The following SYT1 variants were observed in gnomAD, a reference collection of about 807,000 sequenced individuals.
SYT1 encodes the protein synaptotagmin-1.
SYT1 carries 8 observed loss-of-function variants against 44.8 expected under a neutral mutation model. The observed-to-expected ratio is 0.18, with a 90% CI of 0.10 to 0.32. The LOEUF is 0.32. Among genes scored for constraint, SYT1 ranks in the 10% least tolerant of loss-of-function variants. The pLI is 1.00. For missense variants in SYT1, 286 were observed against 509.3 expected (o/e 0.56, Z 4.22); for synonymous variants, 154 against 188.8 (o/e 0.82, Z 1.51).
chr12:78,879,839 C>T (rs993566992), intron 1 of SYT1, among the ~76,000 whole-genome samples: 4 of 151,644 alleles, frequency 2.6e-5, no homozygotes, highest in African/African-American at 4.8e-5. Context: ...GCCATATTGG[C>T]CTTTTTTCAG....
At chr12:79,083,823 C>A (rs1481251733) in intron 3 of SYT1, among the ~76,000 whole-genome samples, 1 of 152,044 alleles carries the variant, frequency 6.6e-6, no homozygotes, top group Non-Finnish European at 1.5e-5. Context: ...ATATTTGATT[C>A]TTGGAGAGAG....
intron 2 of SYT1, among the ~76,000 whole-genome samples, chr12:79,041,219 T>G (rs974395293): frequency 3.9e-5 from 6 of 152,246 alleles, no homozygotes; most frequent in African/African-American, 1.4e-4. Context: ...TTGGGCAGTA[T>G]GGCCATTTTC....
intron 2 of SYT1, among the ~76,000 whole-genome samples, chr12:79,037,961 G>T (rs1238313687): frequency 2.0e-5 from 3 of 151,528 alleles, no homozygotes; most frequent in African/African-American, 7.3e-5. Context: ...AATGAAAATG[G>T]CATTTTATTT....
chr12:79,426,955 C>T (rs981460646), intron 9 of SYT1, among the ~76,000 whole-genome samples: 4 of 152,142 alleles, frequency 2.6e-5, no homozygotes, highest in Admixed American at 6.5e-5. Context: ...GGCATTTCCC[C>T]TGCTTACAAT....
intron 8 of SYT1, among the ~76,000 whole-genome samples, chr12:79,331,754 T>C (rs967320016): frequency 6.6e-6 from 1 of 151,968 alleles, no homozygotes; most frequent in African/African-American, 2.4e-5. Context: ...TGGAAAAAAA[T>C]AACTTTTTAA....
rs144316500 is a variant in SYT1, at chr12:79,066,628, A to G, written c.-18+19266A>G. ...TGAATTATACTTAATCTAATATTCA[A>G]TTTACAAATGGGGATAATTAATAAT... On this transcript the variant is annotated intron_variant, in intron 3 of 10. Transcript: ENST00000261205. Among the ~76,000 whole-genome samples the G allele has an allele frequency of 1.4e-4, 21 of 152,284 alleles. 1 individual carries two copies. In the South Asian group the frequency reaches 3.1e-3, roughly 23 times the overall value.
chr12:79,326,306 C>A (rs972033497), intron 8 of SYT1, among the ~76,000 whole-genome samples: 1 of 152,258 alleles, frequency 6.6e-6, no homozygotes, highest in African/African-American at 2.4e-5. Flanking sequence ...TATTAACACG[C>A]CTTTGTGAGT....
chr12:79,097,176 A>G (rs1369989390), intron 3 of SYT1, among the ~76,000 whole-genome samples: 1 of 151,954 alleles, frequency 6.6e-6, no homozygotes, highest in Non-Finnish European at 1.5e-5. Context: ...TGTGGATGTA[A>G]TTACTAAAAG....
intron 2 of SYT1, among the ~76,000 whole-genome samples, chr12:78,985,545 T>C (rs1362946729): frequency 2.0e-5 from 3 of 151,684 alleles, no homozygotes; most frequent in South Asian, 2.1e-4. Context: ...GGGGACAGAA[T>C]TGTCACCCTG....
intron 9 of SYT1, among the ~76,000 whole-genome samples, chr12:79,367,826 A>G (rs2136041051): frequency 6.6e-6 from 1 of 152,194 alleles, no homozygotes; most frequent in African/African-American, 2.4e-5. Flanking sequence ...TAAAACATAT[A>G]CTAAGAACCT....
intron 2 of SYT1, among the ~76,000 whole-genome samples, chr12:79,006,930 T>G (rs998889730): frequency 6.6e-6 from 1 of 152,162 alleles, no homozygotes; most frequent in African/African-American, 2.4e-5. Context: ...TGATATTTCT[T>G]GCTTTGTAAA....
intron 2 of SYT1, among the ~76,000 whole-genome samples, chr12:79,042,276 G>A (rs1436294192): frequency 5.3e-5 from 8 of 151,094 alleles, no homozygotes; most frequent in Non-Finnish European, 8.9e-5. Context: ...TGGTTGGTAA[G>A]CTATTGATTA....
intron 9 of SYT1, among the ~76,000 whole-genome samples, chr12:79,415,590 A>G (rs185227633): frequency 3.3e-5 from 5 of 152,196 alleles, no homozygotes; most frequent in Admixed American, 2.6e-4. Flanking sequence ...TGAATGGACC[A>G]TAATTTATTG....
intron 4 of SYT1, among the ~76,000 whole-genome samples, chr12:79,252,791 CCTGA>C (rs961266786): frequency 6.6e-6 from 1 of 152,110 alleles, no homozygotes; most frequent in African/African-American, 2.4e-5. Flanking sequence ...TCTAACTTAT[CCTGA>C]CTAATACAGC....
At chr12:79,274,182 G>T (rs1222434481) in intron 4 of SYT1, among the ~76,000 whole-genome samples, 1 of 152,248 alleles carries the variant, frequency 6.6e-6, no homozygotes, top group Admixed American at 6.5e-5. Flanking sequence ...AGCACAAGTG[G>T]GAAGTGTGCT....
intron 1 of SYT1, among the ~76,000 whole-genome samples, chr12:78,939,571 G>C (rs764802048): frequency 3.3e-5 from 5 of 152,084 alleles, no homozygotes; most frequent in Non-Finnish European, 5.9e-5. Flanking sequence ...AGGATCTCCA[G>C]ATACCTAATC....
chr12:79,148,315 G>T (rs1870051107), intron 3 of SYT1, among the ~76,000 whole-genome samples: 1 of 152,050 alleles, frequency 6.6e-6, no homozygotes. Flanking sequence ...AGACCACAAG[G>T]TAAAAATAAT....
intron 3 of SYT1, among the ~76,000 whole-genome samples, chr12:79,073,843 G>A (rs868563028): frequency 4.6e-5 from 7 of 151,990 alleles, no homozygotes; most frequent in Non-Finnish European, 8.8e-5. Context: ...CTCAGCACAG[G>A]CACCTATCTG....
chr12:79,079,134 G>A (rs1331144790), intron 3 of SYT1, among the ~76,000 whole-genome samples: 1 of 152,108 alleles, frequency 6.6e-6, no homozygotes, highest in African/African-American at 2.4e-5. Context: ...TATTTAACTT[G>A]CAATCATGGT....
Sources: gnomAD v4.1 joint callset for allele counts (sites outside exome capture counted in the v4.1 genomes callset) on GRCh38, gnomAD v4.1.1 for gene constraint, MANE v1.5 for transcripts, NCBI Gene and HGNC (gene_info 2026-07-23, HGNC 2026-07-21) for gene names.